Variants in GTF3C4 observed in about 807,000 individuals in gnomAD.
GTF3C4 encodes the protein general transcription factor IIIC subunit 4.
A neutral mutation model predicts 67.5 loss-of-function variants in GTF3C4; 28 were observed. The ratio of observed to expected loss-of-function variants is 0.41; its 90% CI spans 0.31 to 0.57. The LOEUF (loss-of-function observed/expected upper bound fraction) is 0.57, where lower values mean the gene tolerates loss of function less well. Among genes scored for constraint, GTF3C4 ranks in the 20% least tolerant of loss-of-function variants. GTF3C4 has a pLI of 0.21. For synonymous variants in GTF3C4, 409 were observed against 393.0 expected (o/e 1.04, Z -0.48); for missense variants, 831 against 1,033.2 (o/e 0.80, Z 2.68).
At chr9:132,687,390 C>T in intron 4 of GTF3C4, 63 bp downstream of exon 4, 1 of 949,034 alleles carries the variant, frequency 1.1e-6, no homozygotes, top group East Asian at 2.4e-5. Flanking sequence ...GGGCCAGCGC[C>T]CCAGAATAAC....
intron 2 of GTF3C4, among the ~76,000 whole-genome samples, chr9:132,681,179 A>G (rs1190993410): frequency 2.0e-5 from 3 of 152,240 alleles, no homozygotes; most frequent in Non-Finnish European, 4.4e-5. Context: ...TCACAGTGCC[A>G]TGGGACCTGG....
In GTF3C4 at chr9:132,679,152, A is replaced by G. The variant is rs745719898; in HGVS notation, c.1533A>G (p.Gln511=). ...LHPVNKNYQV[Q]FVTLKTFEEA... The stretch of plus-strand genomic sequence containing the variant: ...CTGTTAACAAAAACTACCAGGTCCA[A>G]TTTGTTACTCTCAAAACCTTTGAAG... Residue 511 remains glutamine (Q), a synonymous_variant, in exon 2 of 5, where the codon CAA becomes CAG. Transcript: ENST00000372146. The surrounding 1 kb of genome is among the most constrained non-coding windows in gnomAD (Gnocchi z 5.9). The G allele has an allele frequency of 1.5e-5, 25 of 1,614,050 alleles. No individual in the cohort carries two copies. In the East Asian group the frequency reaches 4.0e-4, roughly 26 times the overall value.
rs372437145 is a variant in GTF3C4 at position 132,678,141 on chromosome 9, C to T, written c.522C>T (p.Cys174=). ...ACACCAGCTGGTCTCCCATGGGTTG[C>T]GATGCTAATGGCAGGTGCCTCTTGG... ...FKYTSWSPMG[C]DANGRCLLAA... The change falls in exon 2 of 5, where the codon TGC becomes TGT. Residue 174 remains cysteine (C), a synonymous_variant. Coordinates refer to ENST00000372146, the MANE Select transcript of GTF3C4 (RefSeq NM_012204.4). This position sits in a 1 kb window ranked among gnomAD's most constrained non-coding sequence, Gnocchi z 6.5. 5.0e-6 allele frequency: 8 copies of T among 1,614,176 alleles called. 1 individual carries two copies. Among genetic ancestry groups the T allele is most frequent in the South Asian group, 3.3e-5 (3 of 91,086 alleles).
At chr9:132,686,306 G>A (rs1836026409) in intron 3 of GTF3C4, among the ~76,000 whole-genome samples, 1 of 152,168 alleles carries the variant, frequency 6.6e-6, no homozygotes, top group Non-Finnish European at 1.5e-5. Context: ...AGTTAGGGCT[G>A]AAATACCCCA....
In GTF3C4 at chr9:132,679,304, A is replaced by G. The variant is rs1835907567; in HGVS notation, c.1685A>G (p.Glu562Gly). 1.2e-6 allele frequency: 2 copies of G among 1,613,346 alleles called. No individual in the cohort carries two copies. Among genetic ancestry groups the G allele is most frequent in the South Asian group, 1.1e-5 (1 of 91,014 alleles). ...HIPQFLQEALEKKIESSGVTY... is the reference protein window; with the variant it reads ...HIPQFLQEALGKKIESSGVTY... ...CCTCAATTTTTACAAGAAGCTTTGG[A>G]AAAAAAGATTGAAAGCAGTGGAGTC... Residue 562 changes from glutamate to glycine, a missense_variant, in exon 2 of 5, where the codon GAA (glutamate) becomes GGA (glycine). Coordinates refer to ENST00000372146, the MANE Select transcript of GTF3C4 (RefSeq NM_012204.4). This position sits in a 1 kb window ranked among gnomAD's most constrained non-coding sequence, Gnocchi z 5.9.
rs1224343287 is a variant in GTF3C4, at chr9:132,689,460, C to T, written c.*515C>T. 6.5e-6 allele frequency: 1 copy of T among 152,958 alleles called. No homozygotes were observed. Among genetic ancestry groups the T allele is most frequent in the Non-Finnish European group, 1.5e-5 (1 of 68,530 alleles). The allele number at this position is 152,958 out of a possible 1,614,324, so 9.5% of individuals were successfully genotyped here. ...AACACATGGGCTGATGTTTTGTTCT[C>T]AGAAAATAGCTGCTGGTCTGCATCC... is the stretch of plus-strand genomic sequence containing the variant. On this transcript the variant is annotated 3_prime_UTR_variant, in exon 5 of 5. Coordinates refer to ENST00000372146, the MANE Select transcript of GTF3C4 (RefSeq NM_012204.4).
intron 2 of GTF3C4, 104 bp from the exon 3 acceptor site, chr9:132,683,459 T>C: frequency 9.6e-7 from 1 of 1,040,992 alleles, no homozygotes; most frequent in South Asian, 1.5e-5. Context: ...TATTGCTCTT[T>C]TCTTTTTTTC....
Position 132,678,046 on chromosome 9 carries a change from C to G in GTF3C4, c.427C>G (p.Gln143Glu). ...FAASKDPTVS[Q>E]TFMLDRVFNP... ...CGCCTCCAAGGACCCCACGGTCAGT[C>G]AGACTTTCATGTTGGATAGGGTGTT... Residue 143 changes from glutamine to glutamate, a missense_variant, in exon 2 of 5, where the codon CAG becomes GAG. By Grantham distance (29) the Gln-to-Glu change is conservative. This residue lies in a region of GTF3C4 where 237 missense variants were observed against 212.7 expected (regional missense o/e 1.11). Transcript: ENST00000372146. This position sits in a 1 kb window ranked among gnomAD's most constrained non-coding sequence, Gnocchi z 6.5. The G allele has an allele frequency of 6.2e-7, 1 of 1,614,144 alleles. No individual in the cohort carries two copies. The highest frequency in any genetic ancestry group is 8.5e-7 in the Non-Finnish European group (1 of 1,179,972).
chr9:132,683,553 G>T lies in GTF3C4; in HGVS notation c.2185-10G>T. The T allele has an allele frequency of 6.2e-7, 1 of 1,606,854 alleles. No homozygotes were observed. Among genetic ancestry groups the T allele is most frequent in the East Asian group, 2.3e-5 (1 of 44,390 alleles). The stretch of plus-strand genomic sequence containing the variant: ...TACACTAAACTTTGCTGACTACTTT[G>T]TCTTACTAGGTGCTGATTGGACATA... On this transcript the variant is annotated splice_polypyrimidine_tract_variant and intron_variant, in intron 2 of 4. Transcript: ENST00000372146.
Position 132,679,573 on chromosome 9 carries a change from T to C in GTF3C4, c.1954T>C (p.Ser652Pro). 1 of 1,614,004 alleles carries C rather than the reference T, an allele frequency of 6.2e-7. No homozygotes were observed. The highest frequency in any genetic ancestry group is 8.5e-7 in the Non-Finnish European group (1 of 1,179,994). Residue 652 changes from serine to proline, a missense_variant, in exon 2 of 5, where the codon TCG becomes CCG. Around this residue, in one of 4 missense-constraint regions of GTF3C4, gnomAD observed 75 missense variants for 66.4 expected, o/e 1.13. Coordinates refer to ENST00000372146, the MANE Select transcript of GTF3C4 (RefSeq NM_012204.4). The surrounding 1 kb of genome is among the most constrained non-coding windows in gnomAD (Gnocchi z 5.9). ...EGDVEEPTDD[S>P]LPTTGDAGGR... ...AGATGTAGAGGAGCCCACTGATGAC[T>C]CGCTCCCCACGACTGGAGATGCTGG... is the stretch of plus-strand genomic sequence containing the variant.
At position 132,679,687 on chromosome 9, in the gene GTF3C4, C is replaced by T; in HGVS notation, c.2068C>T (p.Arg690Ter). 6.2e-7 allele frequency: 1 copy of T among 1,614,104 alleles called. No individual in the cohort carries two copies. Among genetic ancestry groups the T allele is most frequent in the Non-Finnish European group, 8.5e-7 (1 of 1,180,008 alleles). ...GCACTTGACCAGGGAACACATGAAG[C>T]GAGTCTTAGGAGAAGTGTATCTGCA... ...EMHLTREHMKRVLGEVYLHTW... is the reference protein window; with the variant it reads ...EMHLTREHMK The change falls in exon 2 of 5, where the codon CGA (arginine) becomes TGA (stop). Residue 690 changes from arginine (R) to a stop codon, truncating the protein, a stop_gained. Transcript: ENST00000372146. LOFTEE classifies it high-confidence loss of function. This position sits in a 1 kb window ranked among gnomAD's most constrained non-coding sequence, Gnocchi z 5.9.
At chr9:132,674,894 G>A (rs1835841446) in intron 1 of GTF3C4, among the ~76,000 whole-genome samples, 2 of 152,174 alleles carry the variant, frequency 1.3e-5, no homozygotes, top group South Asian at 4.1e-4. Flanking sequence ...AGCCAGGCAT[G>A]GTGGTGTGCA....
rs927773707 is a variant in GTF3C4 at position 132,693,880 on chromosome 9, T to C, written c.*4935T>C. ...TGAAAGTGAATATCAAACTTGTTTATAGAAAAGACTATATAGAAAAATAAG... is the reference window on the plus strand; with the variant it reads ...TGAAAGTGAATATCAAACTTGTTTACAGAAAAGACTATATAGAAAAATAAG... On this transcript the variant is annotated 3_prime_UTR_variant, in exon 5 of 5. Transcript: ENST00000372146. 2 of 152,200 alleles carry C rather than the reference T, an allele frequency of 1.3e-5. No homozygotes were observed. Among genetic ancestry groups the C allele is most frequent in the African/African-American group, 2.4e-5 (1 of 41,452 alleles). The allele number at this position is 152,200 out of a possible 1,614,324, so 9.4% of individuals were successfully genotyped here. A position where few individuals can be genotyped will look rare whatever the true frequency, so the allele number is the denominator to read the frequency against.
In GTF3C4 at chr9:132,676,406, C is replaced by A. The variant is rs188715531; in HGVS notation, c.358-1571C>A. ...CAATCTCGGCTCACTTCAACCTCTGCCTCCCAGATTCAAGCAGTTCTCCTG... is the reference window on the plus strand; with the variant it reads ...CAATCTCGGCTCACTTCAACCTCTGACTCCCAGATTCAAGCAGTTCTCCTG... On this transcript the variant is annotated intron_variant, in intron 1 of 4. Coordinates refer to ENST00000372146, the MANE Select transcript of GTF3C4 (RefSeq NM_012204.4). 3.7e-3 allele frequency among the ~76,000 whole-genome samples: 552 copies of A among 150,924 alleles called. 14 individuals carry two copies. The highest frequency in any genetic ancestry group is 1.1e-3 in the Non-Finnish European group (74 of 67,838).
At position 132,670,966 on chromosome 9, in the gene GTF3C4, C is replaced by G. The variant is rs373557255; in HGVS notation, c.357+11C>G. The stretch of plus-strand genomic sequence containing the variant: ...AGCTGTCTCCTCAAAGTAAGTCATC[C>G]CCCGCCATCCCTGGGGTCTTCCCCT... On this transcript the variant is annotated intron_variant, in intron 1 of 4. Coordinates refer to ENST00000372146, the MANE Select transcript of GTF3C4 (RefSeq NM_012204.4). The G allele has an allele frequency of 1.8e-5, 28 of 1,570,206 alleles. No homozygotes were observed. The highest frequency in any genetic ancestry group is 2.2e-5 in the Non-Finnish European group (25 of 1,142,076).
chr9:132,684,753 C>T (rs1372448999), intron 3 of GTF3C4, among the ~76,000 whole-genome samples: 2 of 152,212 alleles, frequency 1.3e-5, no homozygotes, highest in Admixed American at 6.5e-5. Context: ...TGGCTTCCTT[C>T]AGTTTCCCAT....
intron 1 of GTF3C4, among the ~76,000 whole-genome samples, chr9:132,671,685 C>A (rs905048636): frequency 6.6e-6 from 1 of 151,242 alleles, no homozygotes; most frequent in Non-Finnish European, 1.5e-5. Context: ...TTCCATATAT[C>A]CTTGATAGAG....
At chr9:132,677,540 C>T (rs920113748) in intron 1 of GTF3C4, among the ~76,000 whole-genome samples, 5 of 152,024 alleles carry the variant, frequency 3.3e-5, no homozygotes, top group African/African-American at 1.2e-4. Flanking sequence ...GCAAGGGAGC[C>T]GGGGAAAGCT....
chr9:132,671,021 C>G lies in GTF3C4; in HGVS notation c.357+66C>G, dbSNP rs532722425. 3 of 1,081,288 alleles carry G rather than the reference C, an allele frequency of 2.8e-6. No homozygotes were observed. In the South Asian group the frequency reaches 3.8e-5, roughly 14 times the overall value. 67.0% of individuals were successfully genotyped at this position (1,081,288 alleles called of 1,614,324 possible). A position where few individuals can be genotyped will look rare whatever the true frequency, so the allele number is the denominator to read the frequency against. ...CCCTCTCGCGGCCGCATCATCCGTC[C>G]CAGGGGAATCCGATCCCACACTCTG... On this transcript the variant is annotated intron_variant, in intron 1 of 4. Transcript: ENST00000372146.
Sources: gnomAD v4.1 joint callset for allele counts (sites outside exome capture counted in the v4.1 genomes callset) on GRCh38, gnomAD v4.1.1 for gene constraint, gnomAD v4.1.1 regional missense constraint, Gnocchi (gnomAD v3.1) non-coding constraint, MANE v1.5 for transcripts, NCBI Gene and HGNC (gene_info 2026-07-23, HGNC 2026-07-21) for gene names.